Variants in PCDHGA1 observed in about 807,000 individuals in gnomAD.
PCDHGA1 encodes protocadherin gamma-A1.
In PCDHGA1, 32 loss-of-function variants were observed where a neutral mutation model predicts 58.0. The observed-to-expected ratio is 0.55, with a 90% CI of 0.42 to 0.74. The LOEUF is 0.74. PCDHGA1 is among the 30% of genes least tolerant of loss of function. The probability of loss-of-function intolerance (pLI) is 0.00; values close to 1 mark genes in which losing one functional copy is unlikely to be tolerated. For synonymous variants in PCDHGA1, 498 were observed against 501.1 expected, an observed-to-expected ratio of 0.99 and a Z score of 0.08; for missense variants, 1,205 against 1,182.3, an observed-to-expected ratio of 1.02 and a Z score of -0.28.
rs200349213 is a variant in PCDHGA1 at position 141,425,728 on chromosome 5, GGAT to G, written c.2422-69077_2422-69075del. Among the ~76,000 whole-genome samples the G allele has an allele frequency of 9.8e-4, 149 of 152,196 alleles. 2 individuals carry two copies. In the East Asian group the frequency reaches 0.027, roughly 28 times the overall value. ...AAAATTTTCCCATACCACTTGATGG[GGAT>G]GTTTTCCCACAAGGTTTTTGTTCTA... On this transcript the variant is annotated intron_variant, in intron 1 of 3. Transcript: ENST00000517417.
intron 1 of PCDHGA1, among the ~76,000 whole-genome samples, chr5:141,379,889 C>CTTTTTTTTTGTTTTTTTTTTTTTTTTT (rs1775948001): frequency 2.0e-5 from 1 of 50,830 alleles, no homozygotes; most frequent in Non-Finnish European, 3.9e-5. Context: ...GTGAAAGCCT[C>CTTTTTTTTTGTTTTTTTTTTTTTTTTT]TTTTTTTTTT....
At chr5:141,505,308 G>A in intron 2 of PCDHGA1, 85 bp from the exon 3 acceptor site, 1 of 1,598,660 alleles carries the variant, frequency 6.3e-7, no homozygotes, top group Non-Finnish European at 8.5e-7. Flanking sequence ...TAGGGTACTA[G>A]GTTTGGGAGC....
At chr5:141,430,641 T>C (rs1332550435) in intron 1 of PCDHGA1, 2 of 902,672 alleles carry the variant, frequency 2.2e-6, no homozygotes, top group East Asian at 5.4e-5. Flanking sequence ...TCCCTGGGAG[T>C]ATGTGGAAAC....
intron 1 of PCDHGA1, among the ~76,000 whole-genome samples, chr5:141,464,431 A>G (rs1352563675): frequency 6.6e-6 from 1 of 151,648 alleles, no homozygotes; most frequent in Non-Finnish European, 1.5e-5. Flanking sequence ...ATATAGATAT[A>G]TATGTTTGTT....
chr5:141,347,137 C>CTCTCTCTCTCTTTCTTTCTTTCTT (rs375338309), intron 1 of PCDHGA1, among the ~76,000 whole-genome samples: 1 of 113,744 alleles, frequency 8.8e-6, no homozygotes, highest in African/African-American at 3.8e-5. Flanking sequence ...CTCTGTTTCT[C>CTCTCTCTCTCTTTCTTTCTTTCTT]TCTTTCTTTC....
Position 141,332,052 on chromosome 5 carries a change from C to G in PCDHGA1, c.1368C>G (p.Ser456=). ...ACTCCCCAGTCTTCCATCAGGACTC[C>G]TACTCTGCCTACATTCCCGAAAACA... ...NDNSPVFHQD[S]YSAYIPENNP... is the part of the protein sequence containing the mutation. The change falls in exon 1 of 4, where the codon TCC becomes TCG. Residue 456 remains serine, a synonymous_variant. Coordinates refer to ENST00000517417, the MANE Select transcript of PCDHGA1 (RefSeq NM_018912.3). This position sits in a 1 kb window ranked among gnomAD's most constrained non-coding sequence, Gnocchi z 4.6. 1 of 1,614,136 alleles carries G rather than the reference C, an allele frequency of 6.2e-7. No homozygotes were observed. The highest frequency in any genetic ancestry group is 8.5e-7 in the Non-Finnish European group (1 of 1,180,022).
At position 141,410,196 on chromosome 5, in the gene PCDHGA1, C is replaced by A. The variant is rs773310778; in HGVS notation, c.2421+77091C>A. 7.4e-6 allele frequency: 12 copies of A among 1,613,866 alleles called. No individual in the cohort carries two copies. In the South Asian group the frequency reaches 1.2e-4, roughly 16 times the overall value. On this transcript the variant is annotated intron_variant, in intron 1 of 3. Transcript: ENST00000517417. ...ACCGCCACGCTTCATCTGGTCTTCG[C>A]AGACAACTTGCAAGAGATACTGCCA... is the stretch of plus-strand genomic sequence containing the variant.
At chr5:141,508,588 C>G (rs1721443459) in intron 3 of PCDHGA1, among the ~76,000 whole-genome samples, 1 of 152,176 alleles carries the variant, frequency 6.6e-6, no homozygotes, top group African/African-American at 2.4e-5. Context: ...GGGTGCTACT[C>G]AGAGATCTTG....
rs1036126623 is a variant in PCDHGA1, at chr5:141,410,753, T to A, written c.2421+77648T>A. On this transcript the variant is annotated intron_variant, in intron 1 of 3. Transcript: ENST00000517417. ...AGCTTTTTACAATATTTTCTCAATG[T>A]TTTTTCAATTATAGTTTTCACTATG... 4.1e-6 allele frequency: 5 copies of A among 1,229,696 alleles called. No individual in the cohort carries two copies. In the African/African-American group the frequency reaches 6.1e-5, roughly 15 times the overall value. 76.2% of individuals were successfully genotyped at this position (1,229,696 alleles called of 1,614,324 possible). A position where few individuals can be genotyped will look rare whatever the true frequency, so the allele number is the denominator to read the frequency against.
intron 1 of PCDHGA1, chr5:141,340,455 C>T: frequency 3.7e-6 from 6 of 1,614,238 alleles, no homozygotes; most frequent in Non-Finnish European, 5.1e-6. Context: ...GCGGAGGACA[C>T]TGTTCAGGGG....
Position 141,330,591 on chromosome 5 carries a change from G to C in PCDHGA1, c.-94G>C, listed in dbSNP as rs1756315515. 1.5e-6 allele frequency: 2 copies of C among 1,360,732 alleles called. No individual in the cohort carries two copies. Among genetic ancestry groups the C allele is most frequent in the African/African-American group, 1.5e-5 (1 of 68,642 alleles). 84.3% of individuals were successfully genotyped at this position (1,360,732 alleles called of 1,614,324 possible). A position where few individuals can be genotyped will look rare whatever the true frequency, so the allele number is the denominator to read the frequency against. ...CTACTTCTGGATGACTCTCCAGTCA[G>C]AATTCTCCTGAAAATTGGGTTAATT... is the stretch of plus-strand genomic sequence containing the variant. On this transcript the variant is annotated 5_prime_UTR_variant, in exon 1 of 4. Coordinates refer to ENST00000517417, the MANE Select transcript of PCDHGA1 (RefSeq NM_018912.3).
chr5:141,428,388 C>A, intron 1 of PCDHGA1: 1 of 506,160 alleles, frequency 2.0e-6, no homozygotes, highest in African/African-American at 1.9e-5. Flanking sequence ...GCTCTTCCAG[C>A]CCCTCTGCCT....
intron 1 of PCDHGA1, chr5:141,355,438 C>T: frequency 1.9e-6 from 3 of 1,614,084 alleles, no homozygotes; most frequent in Non-Finnish European, 2.5e-6. Context: ...CCTGAACCCG[C>T]GCAGCGGCAC....
At chr5:141,374,195 G>A in intron 1 of PCDHGA1, 1 of 1,613,870 alleles carries the variant, frequency 6.2e-7, no homozygotes, top group Non-Finnish European at 8.5e-7. Context: ...TATTCCCGAG[G>A]AGCTGGAGAA....
chr5:141,403,775 G>A (rs760589412), intron 1 of PCDHGA1: 2 of 1,613,866 alleles, frequency 1.2e-6, no homozygotes, highest in Admixed American at 1.7e-5. Context: ...GGGAATCAAC[G>A]GAAAAGTGGC....
Position 141,364,375 on chromosome 5 carries a change from G to A in PCDHGA1, c.2421+31270G>A, listed in dbSNP as rs749245484. On this transcript the variant is annotated intron_variant, in intron 1 of 3. Transcript: ENST00000517417. The stretch of plus-strand genomic sequence containing the variant: ...GCTGGGGCTGCGGAGAGCTGCTGCT[G>A]CCCTTCATGCTCCTGGGGACGCTGT... 1.9e-6 allele frequency: 3 copies of A among 1,574,886 alleles called. No individual in the cohort carries two copies. In the East Asian group the frequency reaches 6.7e-5, roughly 35 times the overall value.
At chr5:141,499,272 GT>G (rs772636179) in intron 2 of PCDHGA1, among the ~76,000 whole-genome samples, 3 of 152,122 alleles carry the variant, frequency 2.0e-5, no homozygotes, top group Non-Finnish European at 4.4e-5. Flanking sequence ...TCCCTAGACT[GT>G]TCTCTGATGG....
intron 1 of PCDHGA1, chr5:141,423,090 G>GT (rs2096707772): frequency 2.5e-6 from 4 of 1,613,904 alleles, no homozygotes; most frequent in African/African-American, 2.7e-5. Flanking sequence ...TCGCGGTGGG[G>GT]GAGCACACGG....
At chr5:141,362,537 C>A in intron 1 of PCDHGA1, 1 of 1,613,822 alleles carries the variant, frequency 6.2e-7, no homozygotes, top group Non-Finnish European at 8.5e-7. Context: ...GTCCCTTTTG[C>A]CTCAGATACT....
Sources: allele counts gnomAD v4.1 joint callset (sites outside exome capture counted in the v4.1 genomes callset), GRCh38; gene constraint gnomAD v4.1.1; non-coding constraint Gnocchi (gnomAD v3.1); transcripts MANE v1.5; gene names NCBI Gene and HGNC (gene_info 2026-07-23, HGNC 2026-07-21).